Variants in MGAT4C observed in about 807,000 individuals in gnomAD.
The protein encoded by MGAT4C is MGAT4 family member C, also known as alpha-1,3-mannosyl-glycoprotein 4-beta-N-acetylglucosaminyltransferase C.
A neutral mutation model predicts 40.1 loss-of-function variants in MGAT4C; 19 were observed. That is an observed-to-expected ratio of 0.47 (90% CI 0.33 to 0.70). The LOEUF (loss-of-function observed/expected upper bound fraction) is 0.70, where lower values mean the gene tolerates loss of function less well. Ranked by LOEUF, MGAT4C falls within the 30% of genes least tolerant of loss-of-function variation. The probability of loss-of-function intolerance (pLI) is 0.02; values close to 1 mark genes in which losing one functional copy is unlikely to be tolerated. For synonymous variants in MGAT4C, 181 were observed against 187.1 expected (o/e 0.97, Z 0.27); for missense variants, 491 against 563.2 (o/e 0.87, Z 1.30).
At chr12:86,210,020 G>A (rs1436509109) in intron 1 of MGAT4C, among the ~76,000 whole-genome samples, 2 of 152,028 alleles carry the variant, frequency 1.3e-5, no homozygotes, top group African/African-American at 2.4e-5. Context: ...CAAAGATAAG[G>A]GCTGCAAATT....
intron 1 of MGAT4C, among the ~76,000 whole-genome samples, chr12:86,097,595 T>C (rs936733297): frequency 1.3e-5 from 2 of 151,632 alleles, no homozygotes; most frequent in Non-Finnish European, 3.0e-5. Flanking sequence ...CCAGAGAGTA[T>C]ACATCTTTGA....
At chr12:86,198,165 C>G (rs1258135791) in intron 1 of MGAT4C, among the ~76,000 whole-genome samples, 1 of 152,036 alleles carries the variant, frequency 6.6e-6, no homozygotes, top group Non-Finnish European at 1.5e-5. Context: ...AAAATGTTGT[C>G]ACTATGAAAC....
intron 1 of MGAT4C, among the ~76,000 whole-genome samples, chr12:86,106,656 C>CT (rs144123529): frequency 0.076 from 11,401 of 149,146 alleles, 569 homozygotes; most frequent in Middle Eastern, 0.19. Flanking sequence ...TGTATATGGT[C>CT]TTTTTTTTTT....
intron 1 of MGAT4C, among the ~76,000 whole-genome samples, chr12:86,181,810 T>A (rs1469806256): frequency 6.6e-6 from 1 of 152,094 alleles, no homozygotes; most frequent in East Asian, 1.9e-4. Flanking sequence ...CAGCATTCAA[T>A]TTTTCAATTG....
At chr12:85,980,853 G>T (rs1884509033) in intron 4 of MGAT4C, among the ~76,000 whole-genome samples, 1 of 151,992 alleles carries the variant, frequency 6.6e-6, no homozygotes, top group Non-Finnish European at 1.5e-5. Context: ...AAAAGAGAAG[G>T]GCATTCACAG....
At chr12:85,994,316 A>G (rs554175071) in intron 2 of MGAT4C, among the ~76,000 whole-genome samples, 2 of 152,356 alleles carry the variant, frequency 1.3e-5, no homozygotes, top group South Asian at 4.1e-4. Context: ...GAATACAAAT[A>G]AAGTTTCCAT....
chr12:86,676,173 ACTC>A (rs1443819102), intron 2 of MGAT4C, among the ~76,000 whole-genome samples: 2 of 151,946 alleles, frequency 1.3e-5, no homozygotes, highest in Non-Finnish European at 2.9e-5. Context: ...TGTCCTGAAA[ACTC>A]CTCTAGGTGA....
chr12:86,499,741 T>A (rs1328375080), intron 2 of MGAT4C, among the ~76,000 whole-genome samples: 2 of 152,048 alleles, frequency 1.3e-5, no homozygotes, highest in African/African-American at 4.8e-5. Context: ...AGTCAGAAAT[T>A]AGAATTTCTG....
intron 2 of MGAT4C, among the ~76,000 whole-genome samples, chr12:86,714,969 G>T (rs1206189444): frequency 6.6e-6 from 1 of 152,024 alleles, no homozygotes; most frequent in Non-Finnish European, 1.5e-5. Context: ...CTTTTCTTAA[G>T]TTCACTTCAT....
At chr12:86,523,828 A>T (rs951852362) in intron 2 of MGAT4C, among the ~76,000 whole-genome samples, 1 of 152,082 alleles carries the variant, frequency 6.6e-6, no homozygotes, top group Admixed American at 6.6e-5. Flanking sequence ...TTAACCCTTT[A>T]TCATTATTTA....
intron 1 of MGAT4C, among the ~76,000 whole-genome samples, chr12:86,734,733 G>A (rs1950959347): frequency 6.6e-6 from 1 of 152,008 alleles, no homozygotes; most frequent in Admixed American, 6.6e-5. Context: ...GGATGTTCCA[G>A]CCACTGGAAT....
At chr12:86,292,133 T>C (rs1183232290) in intron 4 of MGAT4C, among the ~76,000 whole-genome samples, 2 of 152,080 alleles carry the variant, frequency 1.3e-5, no homozygotes, top group Non-Finnish European at 2.9e-5. Context: ...CAGGAAGGAA[T>C]TAGCAACAGA....
chr12:86,810,002 T>C (rs1054068148), intron 1 of MGAT4C, among the ~76,000 whole-genome samples: 7 of 152,030 alleles, frequency 4.6e-5, no homozygotes, highest in Non-Finnish European at 1.0e-4. Context: ...TGAACAAAAG[T>C]TGTCTCTTCA....
At chr12:86,713,086 A>C (rs1950586756) in intron 2 of MGAT4C, among the ~76,000 whole-genome samples, 1 of 100,000 alleles carries the variant, frequency 1.0e-5, no homozygotes, top group South Asian at 4.2e-4. Flanking sequence ...TCAAATACAT[A>C]AGGCTGCACA....
intron 2 of MGAT4C, among the ~76,000 whole-genome samples, chr12:86,718,782 C>G (rs1950692035): frequency 6.6e-6 from 1 of 152,118 alleles, no homozygotes; most frequent in Non-Finnish European, 1.5e-5. Context: ...ATCTAGGCTG[C>G]ATGCTCCTTA....
At position 86,816,594 on chromosome 12, in the gene MGAT4C, T is replaced by TA. The variant is rs540853893; in HGVS notation, c.-262+22071dup. On this transcript the variant is annotated intron_variant, in intron 1 of 7. Coordinates refer to the MGAT4C transcript ENST00000548651. ...TTGTCATTTTTTAATACATTCTGGT[T>TA]AAAAAAAATTAGATAAGATAAAAAT... Among the ~76,000 whole-genome samples the TA allele has an allele frequency of 4.7e-3, 714 of 151,610 alleles. 3 individuals are homozygous for TA. The highest frequency in any genetic ancestry group is 0.016 in the African/African-American group (676 of 41,468).
At chr12:86,384,023 G>A (rs927513751) in intron 3 of MGAT4C, among the ~76,000 whole-genome samples, 1 of 152,134 alleles carries the variant, frequency 6.6e-6, no homozygotes, top group Non-Finnish European at 1.5e-5. Context: ...TAGTGAATAA[G>A]TCTCATGAGA....
chr12:86,672,306 G>A (rs1593100273), intron 2 of MGAT4C, among the ~76,000 whole-genome samples: 1 of 151,920 alleles, frequency 6.6e-6, no homozygotes, highest in African/African-American at 2.4e-5. Flanking sequence ...GAAATTTAGG[G>A]CTATACGTGT....
At chr12:85,994,667 G>A (rs553128457) in intron 2 of MGAT4C, among the ~76,000 whole-genome samples, 24 of 151,562 alleles carry the variant, frequency 1.6e-4, no homozygotes, top group Non-Finnish European at 3.2e-4. Flanking sequence ...AAAAACACTC[G>A]GACACCCAAA....
Sources: gnomAD v4.1 joint callset for allele counts (sites outside exome capture counted in the v4.1 genomes callset) on GRCh38, gnomAD v4.1.1 for gene constraint, MANE v1.5 for transcripts, NCBI Gene and HGNC (gene_info 2026-07-23, HGNC 2026-07-21) for gene names.